Variants in EBF1 observed in about 807,000 individuals in gnomAD.
EBF1 encodes the protein transcription factor COE1.
Under a neutral mutation model 68.4 loss-of-function variants are expected in EBF1, and 10 were observed. That is an observed-to-expected ratio of 0.15 (90% confidence interval 0.09 to 0.25). The LOEUF (loss-of-function observed/expected upper bound fraction) is 0.25, where lower values mean the gene tolerates loss of function less well. Ranked by LOEUF, EBF1 falls within the 10% of genes least tolerant of loss-of-function variation. The pLI is 1.00. For synonymous variants in EBF1, 298 were observed against 299.8 expected, an observed-to-expected ratio of 0.99 and a Z score of 0.06; for missense variants, 509 against 794.4, an observed-to-expected ratio of 0.64 and a Z score of 4.32.
At chr5:158,775,815 CACACACACACACACT>C (rs1775096878) in intron 10 of EBF1, among the ~76,000 whole-genome samples, 1 of 150,182 alleles carries the variant, frequency 6.7e-6, no homozygotes, top group African/African-American at 2.5e-5. Flanking sequence ...CACACACACA[CACACACACACACACT>C]GCTATGTGGA....
At position 158,774,166 on chromosome 5, in the gene EBF1, C is replaced by T. The variant is rs117694668; in HGVS notation, c.1036+3247G>A. 2.6e-5 allele frequency among the ~76,000 whole-genome samples: 4 copies of T among 152,180 alleles called. No homozygotes were observed. The East Asian group carries it at 5.8e-4, about 22-fold the overall frequency. On this transcript the variant is annotated intron_variant, in intron 10 of 15. Coordinates refer to ENST00000313708, the MANE Select transcript of EBF1 (RefSeq NM_024007.5). Reference sequence around the variant, plus strand: ...ATTGGACAAACACAAGGGCATGGCACATTAGCAGCTATGGATTCCTCGTGC... The same window carrying T: ...ATTGGACAAACACAAGGGCATGGCATATTAGCAGCTATGGATTCCTCGTGC...
At chr5:158,869,882 A>C (rs941090141) in intron 6 of EBF1, among the ~76,000 whole-genome samples, 2 of 152,150 alleles carry the variant, frequency 1.3e-5, no homozygotes, top group African/African-American at 4.8e-5. Context: ...GGCATGTCTG[A>C]GGGTGATATT....
intron 11 of EBF1, among the ~76,000 whole-genome samples, chr5:158,729,384 C>G (rs1334744640): frequency 6.6e-6 from 1 of 152,126 alleles, no homozygotes; most frequent in Non-Finnish European, 1.5e-5. Context: ...ATGTTCCTCA[C>G]TGGGAACAAT....
At chr5:158,816,289 T>C (rs1783717674) in intron 8 of EBF1, among the ~76,000 whole-genome samples, 1 of 152,264 alleles carries the variant, frequency 6.6e-6, no homozygotes, top group Non-Finnish European at 1.5e-5. Context: ...GAGGCAAGGC[T>C]AGGCCAATAT....
chr5:158,788,992 G>GT (rs35687472), intron 9 of EBF1, among the ~76,000 whole-genome samples: 12,694 of 148,672 alleles, frequency 0.085, 589 homozygotes, highest in South Asian at 0.11. Flanking sequence ...ATTTTTATCT[G>GT]TTTTTTTTTT....
chr5:158,765,689 T>G (rs1386701928), intron 10 of EBF1, among the ~76,000 whole-genome samples: 1 of 152,120 alleles, frequency 6.6e-6, no homozygotes, highest in South Asian at 2.1e-4. Context: ...CTGCTCATGA[T>G]TTAGGGAGTG....
At chr5:158,941,081 T>C (rs1166898537) in intron 6 of EBF1, 1 of 389,016 alleles carries the variant, frequency 2.6e-6, no homozygotes, top group African/African-American at 2.1e-5. Flanking sequence ...AAAACAATCA[T>C]CTGTTGCTGA....
intron 6 of EBF1, among the ~76,000 whole-genome samples, chr5:158,932,899 G>T (rs1811187734): frequency 6.6e-6 from 1 of 152,154 alleles, no homozygotes; most frequent in Non-Finnish European, 1.5e-5. Flanking sequence ...TTGGAGCCCA[G>T]ATCATTTCTT....
chr5:158,753,244 C>T (rs969353509), intron 10 of EBF1, among the ~76,000 whole-genome samples: 5 of 152,058 alleles, frequency 3.3e-5, no homozygotes, highest in South Asian at 2.1e-4. Context: ...AATCTTAATA[C>T]ATGTATAACA....
intron 6 of EBF1, among the ~76,000 whole-genome samples, chr5:158,980,366 A>G (rs1757658832): frequency 6.6e-6 from 1 of 152,118 alleles, no homozygotes; most frequent in South Asian, 2.1e-4. Context: ...CACGCTCTCT[A>G]TCAAAATCTG....
chr5:159,007,751 C>G (rs757307115), intron 6 of EBF1, among the ~76,000 whole-genome samples: 1 of 152,142 alleles, frequency 6.6e-6, no homozygotes, highest in Non-Finnish European at 1.5e-5. Context: ...ATTCTCTCCC[C>G]CTCCACCAAA....
At chr5:158,730,818 G>A (rs925977155) in intron 11 of EBF1, among the ~76,000 whole-genome samples, 6 of 152,136 alleles carry the variant, frequency 3.9e-5, no homozygotes, top group East Asian at 1.9e-4. Flanking sequence ...TCTAAAATAG[G>A]AATGGTAATA....
intron 6 of EBF1, among the ~76,000 whole-genome samples, chr5:158,932,452 G>C (rs893222434): frequency 6.6e-6 from 1 of 152,106 alleles, no homozygotes; most frequent in African/African-American, 2.4e-5. Context: ...TAAAATAAAA[G>C]AGTAGAAAAC....
intron 8 of EBF1, among the ~76,000 whole-genome samples, chr5:158,812,060 A>G (rs1005231975): frequency 2.0e-5 from 3 of 152,178 alleles, no homozygotes; most frequent in Admixed American, 2.0e-4. Context: ...TATTTGTCTA[A>G]TATCGGCACA....
chr5:158,712,756 A>T (rs1208897192), intron 13 of EBF1, among the ~76,000 whole-genome samples: 1 of 152,184 alleles, frequency 6.6e-6, no homozygotes, highest in East Asian at 1.9e-4. Context: ...ATGTAGAGAG[A>T]TGGCTAAATG....
At chr5:158,791,118 A>G (rs1778507357) in intron 9 of EBF1, among the ~76,000 whole-genome samples, 2 of 152,040 alleles carry the variant, frequency 1.3e-5, no homozygotes, top group South Asian at 4.2e-4. Flanking sequence ...CAGGAGTTTG[A>G]GACCAGCCTG....
chr5:158,968,400 C>CA (rs1754614203), intron 6 of EBF1, among the ~76,000 whole-genome samples: 2 of 152,156 alleles, frequency 1.3e-5, no homozygotes, highest in South Asian at 4.1e-4. Flanking sequence ...CCACTGCCGG[C>CA]AAATTAAACT....
At chr5:158,711,391 T>C (rs1759243340) in intron 14 of EBF1, among the ~76,000 whole-genome samples, 1 of 152,222 alleles carries the variant, frequency 6.6e-6, no homozygotes, top group South Asian at 2.1e-4. Context: ...TGCATCACTA[T>C]GATTATTAGA....
intron 10 of EBF1, among the ~76,000 whole-genome samples, chr5:158,737,336 T>G (rs1287696926): frequency 7.9e-6 from 1 of 126,634 alleles, no homozygotes. Flanking sequence ...CAGGGTGGAG[T>G]GCAGTGGCGC....
Sources: gnomAD v4.1 joint callset for allele counts (sites outside exome capture counted in the v4.1 genomes callset) on GRCh38, gnomAD v4.1.1 for gene constraint, MANE v1.5 for transcripts, NCBI Gene and HGNC (gene_info 2026-07-23, HGNC 2026-07-21) for gene names.